The following FRAS1 variants were observed in gnomAD, a reference collection of about 807,000 sequenced individuals.
FRAS1 encodes extracellular matrix organizing protein FRAS1.
In FRAS1, 290 loss-of-function variants were observed where a neutral mutation model predicts 435.2. The ratio of observed to expected loss-of-function variants is 0.67; its 90% CI spans 0.61 to 0.73. The LOEUF is 0.73. Among genes scored for constraint, FRAS1 ranks in the 30% least tolerant of loss-of-function variants. FRAS1 has a pLI of 0.00. For missense variants in FRAS1, 4,860 were observed against 5,001.5 expected (o/e 0.97, Z 0.85); for synonymous variants, 1,800 against 1,851.0 (o/e 0.97, Z 0.71).
At chr4:78,526,751 T>C (rs1721545907) in intron 70 of FRAS1, 94 bp downstream of exon 70, 1 of 771,580 alleles carries the variant, frequency 1.3e-6, no homozygotes, top group African/African-American at 1.8e-5. Context: ...CAAATCAACA[T>C]GGTGCTTTCA....
intron 20 of FRAS1, among the ~76,000 whole-genome samples, chr4:78,338,800 G>A (rs1730282227): frequency 6.6e-6 from 1 of 152,248 alleles, no homozygotes; most frequent in Non-Finnish European, 1.5e-5. Context: ...GGTGGATTGA[G>A]GGTGGGGCGG....
intron 51 of FRAS1, 50 bp downstream of exon 51, chr4:78,470,141 C>A: frequency 1.7e-6 from 2 of 1,186,414 alleles, no homozygotes; most frequent in East Asian, 2.4e-5. Flanking sequence ...TGGGCTACAT[C>A]CTTCTTCACG....
intron 3 of FRAS1, among the ~76,000 whole-genome samples, chr4:78,241,247 C>T (rs559277494): frequency 1.1e-4 from 16 of 152,280 alleles, no homozygotes; most frequent in Admixed American, 3.9e-4. Context: ...TGTGCTTCCA[C>T]GGCACTTTGT....
intron 47 of FRAS1, among the ~76,000 whole-genome samples, chr4:78,458,432 C>T (rs1719270487): frequency 1.3e-5 from 2 of 152,164 alleles, no homozygotes; most frequent in African/African-American, 4.8e-5. Context: ...CACAATTTCT[C>T]TTATTAAAAA....
chr4:78,156,460 G>A (rs555942047), intron 2 of FRAS1, among the ~76,000 whole-genome samples: 26 of 151,756 alleles, frequency 1.7e-4, no homozygotes, highest in Non-Finnish European at 3.1e-4. Flanking sequence ...AACACAACTT[G>A]ATTTCATCTG....
chr4:78,515,321 G>T (rs1721172508), intron 65 of FRAS1, among the ~76,000 whole-genome samples: 1 of 112,444 alleles, frequency 8.9e-6, no homozygotes, highest in Admixed American at 8.9e-5. Context: ...TAGGTATGCT[G>T]GCTTTTTTTT....
chr4:78,310,738 T>C (rs1386570835), intron 15 of FRAS1, among the ~76,000 whole-genome samples: 1 of 152,262 alleles, frequency 6.6e-6, no homozygotes. Context: ...AAAACAACAG[T>C]GAACCAACTC....
intron 2 of FRAS1, among the ~76,000 whole-genome samples, chr4:78,192,033 T>G (rs1722560439): frequency 6.6e-6 from 1 of 152,142 alleles, no homozygotes; most frequent in Admixed American, 6.5e-5. Flanking sequence ...GCAGCATGAT[T>G]TATAATCCTT....
chr4:78,295,176 C>T (rs73827954), intron 14 of FRAS1, among the ~76,000 whole-genome samples: 2,088 of 152,174 alleles, frequency 0.014, 53 homozygotes, highest in African/African-American at 0.047. Context: ...TATTTGTTCC[C>T]AATTTTTTTA....
Position 78,513,508 on chromosome 4 carries a change from T to C in FRAS1, c.10130T>C (p.Val3377Ala). 1 of 1,613,914 alleles carries C rather than the reference T, an allele frequency of 6.2e-7. No homozygotes were observed. Among genetic ancestry groups the C allele is most frequent in the South Asian group, 1.1e-5 (1 of 91,082 alleles). Residue 3377 changes from valine to alanine, a missense_variant, in exon 65 of 74, where the codon GTC (valine) becomes GCC (alanine). By Grantham distance (64) the Val-to-Ala change is moderately conservative (BLOSUM62 0). Transcript: ENST00000512123. ...GAGTCCATCTACAGACACCAGCACG[T>C]CTGCTCCAATTTAGTTACCACCTAT... ...LSESIYRHQH[V>A]CSNLVTTYDL...
At chr4:78,161,742 C>CAAAAAAAAAAAAA (rs71214399) in intron 2 of FRAS1, among the ~76,000 whole-genome samples, 15 of 24,886 alleles carry the variant, frequency 6.0e-4, no homozygotes, top group African/African-American at 2.0e-3. Context: ...AACTCTGTCT[C>CAAAAAAAAAAAAA]AAAAAAAAAA....
intron 8 of FRAS1, 73 bp downstream of exon 8, chr4:78,267,008 G>A: frequency 9.5e-7 from 1 of 1,048,570 alleles, no homozygotes; most frequent in Non-Finnish European, 1.4e-6. Flanking sequence ...TCTTATTCCG[G>A]TGTGTCCTTT....
intron 1 of FRAS1, among the ~76,000 whole-genome samples, chr4:78,065,309 A>G (rs1196621172): frequency 6.6e-6 from 1 of 150,692 alleles, no homozygotes; most frequent in Non-Finnish European, 1.5e-5. Context: ...TATAGTGTAT[A>G]TATTCTCTCT....
At chr4:78,136,442 A>G (rs552607921) in intron 2 of FRAS1, among the ~76,000 whole-genome samples, 7 of 152,334 alleles carry the variant, frequency 4.6e-5, no homozygotes, top group Admixed American at 1.3e-4. Context: ...AGAATTCTCA[A>G]TTACGGAATC....
intron 72 of FRAS1, 110 bp from the exon 73 acceptor site, chr4:78,539,184 C>A: frequency 9.5e-7 from 1 of 1,057,434 alleles, no homozygotes; most frequent in Non-Finnish European, 1.4e-6. Context: ...TCTCTCAACT[C>A]AACCTAAAGC....
chr4:78,371,089 TTG>T lies in FRAS1; in HGVS notation c.2869+1107_2869+1108del, dbSNP rs1491511984. 2.0e-5 allele frequency among the ~76,000 whole-genome samples: 3 copies of T among 146,890 alleles called. No individual in the cohort carries two copies. The East Asian group carries it at 6.0e-4, about 29-fold the overall frequency. ...ACCACAGAATTTTTTTTCTGTTTTT[TTG>T]TTTTTTTTTTTTTTTGCCTTCTAAC... On this transcript the variant is annotated intron_variant, in intron 23 of 73. Transcript: ENST00000512123.
chr4:78,127,718 G>A (rs1356162818), intron 2 of FRAS1, among the ~76,000 whole-genome samples: 1 of 151,964 alleles, frequency 6.6e-6, no homozygotes, highest in Non-Finnish European at 1.5e-5. Context: ...GAAGGATGAT[G>A]AAGTAAGTTT....
chr4:78,528,068 G>A (rs568609426), intron 70 of FRAS1, among the ~76,000 whole-genome samples: 24 of 152,082 alleles, frequency 1.6e-4, no homozygotes, highest in Non-Finnish European at 3.5e-4. Context: ...TGACAAAGTG[G>A]ATATCTGATT....
chr4:78,276,815 T>G (rs1727065231), intron 9 of FRAS1, among the ~76,000 whole-genome samples: 1 of 152,246 alleles, frequency 6.6e-6, no homozygotes, highest in African/African-American at 2.4e-5. Flanking sequence ...AATTCTGTGC[T>G]TGGAGGACCA....
Sources: gnomAD v4.1 joint callset for allele counts (sites outside exome capture counted in the v4.1 genomes callset) on GRCh38, gnomAD v4.1.1 for gene constraint, MANE v1.5 for transcripts, NCBI Gene and HGNC (gene_info 2026-07-23, HGNC 2026-07-21) for gene names.